Variants in TFB1M observed in about 807,000 individuals in gnomAD.
The protein encoded by TFB1M is transcription factor B1, mitochondrial.
TFB1M carries 27 observed loss-of-function variants against 31.1 expected under a neutral mutation model. That is an observed-to-expected ratio of 0.87 (90% confidence interval 0.64 to 1.20). The LOEUF (loss-of-function observed/expected upper bound fraction) is 1.20, where lower values mean the gene tolerates loss of function less well. Among genes scored for constraint, TFB1M ranks in the 50% most tolerant of loss-of-function variants. TFB1M has a pLI of 0.00. For missense variants in TFB1M, 394 were observed against 418.7 expected, an observed-to-expected ratio of 0.94 and a Z score of 0.51; for synonymous variants, 166 against 151.8, an observed-to-expected ratio of 1.09 and a Z score of -0.69.
chr6:155,307,142 C>G (rs113572314), intron 2 of TFB1M, among the ~76,000 whole-genome samples: 3 of 144,134 alleles, frequency 2.1e-5, no homozygotes. Context: ...CACATACACA[C>G]ACACACACAC....
At chr6:155,250,656 C>T in the TFB1M span, 11 of 1,526,262 alleles carry the variant, frequency 7.2e-6, no homozygotes, top group African/African-American at 1.5e-4. Flanking sequence ...CTGAGTTGGT[C>T]ACAAGGCATG....
chr6:155,256,772 A>AAGAC lies in TFB1M; in HGVS notation c.*1060_*1063dup, dbSNP rs1241853167. On this transcript the variant is annotated 3_prime_UTR_variant, in exon 7 of 7. Transcript: ENST00000367166. ...ACTGTGAAGCAGGGCAGCCCTACTAAAGACATCGAAATTCAGTTCCAGAGA... is the reference window on the plus strand; with the variant it reads ...ACTGTGAAGCAGGGCAGCCCTACTAAAGACAGACATCGAAATTCAGTTCCAGAGA... 6.2e-7 allele frequency: 1 copy of AAGAC among 1,614,060 alleles called. No individual in the cohort carries two copies. Among genetic ancestry groups the AAGAC allele is most frequent in the Non-Finnish European group, 8.5e-7 (1 of 1,180,046 alleles).
At chr6:155,231,232 T>C in the TFB1M span, among the ~76,000 whole-genome samples, 1 of 152,196 alleles carries the variant, frequency 6.6e-6, no homozygotes, top group Non-Finnish European at 1.5e-5. Context: ...TGCATATGGC[T>C]CCTCTTCATA....
chr6:155,244,942 G>A, the TFB1M span: 2 of 931,698 alleles, frequency 2.1e-6, no homozygotes, highest in Non-Finnish European at 3.0e-6. Flanking sequence ...CTGTCAGGTG[G>A]TAAAGGAAGG....
rs931090891 is a variant in TFB1M at position 155,285,261 on chromosome 6, G to T, written c.563C>A (p.Thr188Lys). ...KEVAERLAAN[T>K]GSKQRSRLSV... ...GAGGCGACTACGCTGTTTGCTTCCT[G>T]TATTGGCTGCAAGTCTCTAGAGAGA... The change falls in exon 5 of 7, where the codon ACA (threonine) becomes AAA (lysine). Residue 188 changes from threonine to lysine, a missense_variant. Around this residue, in one of 3 missense-constraint regions of TFB1M, gnomAD observed 273 missense variants for 256.4 expected, o/e 1.06. Transcript: ENST00000367166. The T allele has an allele frequency of 6.2e-7, 1 of 1,613,862 alleles. No homozygotes were observed. Among genetic ancestry groups the T allele is most frequent in the Non-Finnish European group, 8.5e-7 (1 of 1,179,892 alleles).
At chr6:155,306,360 T>C (rs2114806976) in intron 2 of TFB1M, among the ~76,000 whole-genome samples, 1 of 152,308 alleles carries the variant, frequency 6.6e-6, no homozygotes, top group South Asian at 2.1e-4. Flanking sequence ...CCGGATATTC[T>C]ACTCCTAGGT....
chr6:155,285,842 A>C (rs543809147), intron 4 of TFB1M, among the ~76,000 whole-genome samples: 2 of 152,282 alleles, frequency 1.3e-5, no homozygotes, highest in South Asian at 4.1e-4. Context: ...TTTTGCAATT[A>C]ATTAGGTATA....
chr6:155,233,283 T>C, the TFB1M span, among the ~76,000 whole-genome samples: 1 of 152,180 alleles, frequency 6.6e-6, no homozygotes, highest in Non-Finnish European at 1.5e-5. Context: ...ATATCAAAGT[T>C]GTTGTGATCA....
chr6:155,247,283 T>G, the TFB1M span, among the ~76,000 whole-genome samples: 1 of 152,190 alleles, frequency 6.6e-6, no homozygotes. Context: ...TTATGAAATT[T>G]TTGTGGGTAT....
chr6:155,301,087 G>T (rs1035215892), intron 2 of TFB1M, among the ~76,000 whole-genome samples: 1 of 152,172 alleles, frequency 6.6e-6, no homozygotes, highest in Non-Finnish European at 1.5e-5. Flanking sequence ...TTACAGGTGT[G>T]AGCCACCATA....
At chr6:155,265,180 G>C (rs1405135040) in intron 5 of TFB1M, among the ~76,000 whole-genome samples, 1 of 151,938 alleles carries the variant, frequency 6.6e-6, no homozygotes, top group East Asian at 1.9e-4. Flanking sequence ...AGGCAGCTTC[G>C]AGGCTGCCCA....
chr6:155,254,126 T>C, downstream of TFB1M: 3 of 1,506,906 alleles, frequency 2.0e-6, no homozygotes, highest in East Asian at 7.0e-5. Context: ...TTAAGGGAAT[T>C]TATATTTAGT....
intron 2 of TFB1M, 125 bp downstream of exon 2, chr6:155,311,063 G>T: frequency 9.7e-7 from 1 of 1,027,442 alleles, no homozygotes; most frequent in Non-Finnish European, 1.5e-6. Context: ...CTGGAATGGG[G>T]CCTTGGGGAT....
intron 5 of TFB1M, chr6:155,275,615 G>A: frequency 8.4e-7 from 1 of 1,189,788 alleles, no homozygotes; most frequent in East Asian, 2.4e-5. Flanking sequence ...TTTTTCCTTA[G>A]GCTTTGTTAT....
At chr6:155,236,001 T>TTC in the TFB1M span, among the ~76,000 whole-genome samples, 1 of 152,148 alleles carries the variant, frequency 6.6e-6, no homozygotes, top group Non-Finnish European at 1.5e-5. Flanking sequence ...TTAATATAGA[T>TTC]TCTATAGCCC....
rs1777999419 is a variant in TFB1M, at chr6:155,311,176, T to C, written c.285+12A>G. 2 of 1,614,002 alleles carry C rather than the reference T, an allele frequency of 1.2e-6. No individual in the cohort carries two copies. The highest frequency in any genetic ancestry group is 1.7e-6 in the Non-Finnish European group (2 of 1,179,880). On this transcript the variant is annotated intron_variant, in intron 2 of 6. Transcript: ENST00000367166. ...CTTTTGCCTCCTAAAGCAGACACTT[T>C]AAGCATCTCACCTGTAATCCAGGAA...
chr6:155,304,410 C>T (rs762158823), intron 2 of TFB1M, among the ~76,000 whole-genome samples: 4 of 152,114 alleles, frequency 2.6e-5, no homozygotes, highest in East Asian at 1.9e-4. Context: ...CTTCCTACTC[C>T]GACAAAGATG....
At position 155,277,018 on chromosome 6, in the gene TFB1M, C is replaced by T. The variant is rs538593065; in HGVS notation, c.666+8140G>A. Among the ~76,000 whole-genome samples, 141 of 152,310 alleles carry T rather than the reference C, an allele frequency of 9.3e-4. 2 individuals are homozygous for T. Among genetic ancestry groups the T allele is most frequent in the African/African-American group, 3.1e-3 (130 of 41,556 alleles). ...GCAGAACTGAAGAAATTGGTAAATG[C>T]TACCACAGTAAAGAAAGCCAAACCA... On this transcript the variant is annotated intron_variant, in intron 5 of 6. Coordinates refer to ENST00000367166, the MANE Select transcript of TFB1M (RefSeq NM_016020.4).
chr6:155,235,617 TG>T, the TFB1M span, among the ~76,000 whole-genome samples: 1 of 152,350 alleles, frequency 6.6e-6, no homozygotes, highest in Non-Finnish European at 1.5e-5. Context: ...CTTCTCCTTT[TG>T]GGGGCCCTGC....
Sources: gnomAD v4.1 joint callset for allele counts (sites outside exome capture counted in the v4.1 genomes callset) on GRCh38, gnomAD v4.1.1 for gene constraint, gnomAD v4.1.1 regional missense constraint, MANE v1.5 for transcripts, NCBI Gene and HGNC (gene_info 2026-07-23, HGNC 2026-07-21) for gene names.